Variants in HOOK3 observed in about 807,000 individuals in gnomAD.
The protein encoded by HOOK3 is protein Hook homolog 3.
HOOK3 carries 24 observed loss-of-function variants against 116.3 expected under a neutral mutation model. The ratio of observed to expected loss-of-function variants is 0.21; its 90% CI spans 0.15 to 0.29. The LOEUF (loss-of-function observed/expected upper bound fraction) is 0.29, where lower values mean the gene tolerates loss of function less well. Among genes scored for constraint, HOOK3 ranks in the 10% least tolerant of loss-of-function variants. The pLI is 1.00. For missense variants in HOOK3, 632 were observed against 830.2 expected (o/e 0.76, Z 2.93); for synonymous variants, 275 against 283.0 (o/e 0.97, Z 0.28).
At chr8:42,902,018 C>T (rs1313062205) in intron 1 of HOOK3, among the ~76,000 whole-genome samples, 1 of 151,782 alleles carries the variant, frequency 6.6e-6, no homozygotes, top group Non-Finnish European at 1.5e-5. Context: ...CAGATCAAGT[C>T]TTAACAACTA....
chr8:42,972,649 C>T (rs1808746422), intron 11 of HOOK3, among the ~76,000 whole-genome samples: 1 of 152,234 alleles, frequency 6.6e-6, no homozygotes, highest in Non-Finnish European at 1.5e-5. Context: ...ATCCTCCCAC[C>T]TCAGCTTCCC....
chr8:43,011,100 C>T (rs1238208121), intron 19 of HOOK3, among the ~76,000 whole-genome samples: 1 of 152,048 alleles, frequency 6.6e-6, no homozygotes, highest in Non-Finnish European at 1.5e-5. Flanking sequence ...TCACGCCATT[C>T]TCCTGCCTCA....
intron 13 of HOOK3, among the ~76,000 whole-genome samples, chr8:42,976,455 A>G (rs1395771276): frequency 6.6e-6 from 1 of 152,198 alleles, no homozygotes; most frequent in Non-Finnish European, 1.5e-5. Context: ...GGCTCCAGTG[A>G]GCTGAGGTCG....
chr8:42,948,862 C>A (rs1045160874), intron 5 of HOOK3, among the ~76,000 whole-genome samples: 2 of 152,178 alleles, frequency 1.3e-5, no homozygotes, highest in African/African-American at 4.8e-5. Flanking sequence ...GGCCTAAGAA[C>A]AATGCCTATG....
chr8:42,935,394 C>T (rs1397089383), intron 4 of HOOK3, among the ~76,000 whole-genome samples: 1 of 152,004 alleles, frequency 6.6e-6, no homozygotes, highest in Admixed American at 6.6e-5. Flanking sequence ...CTTTAGTTTT[C>T]TTAGATCTCA....
intron 18 of HOOK3, among the ~76,000 whole-genome samples, chr8:43,008,752 C>A (rs1401340932): frequency 6.8e-6 from 1 of 147,802 alleles, no homozygotes; most frequent in Non-Finnish European, 1.5e-5. Flanking sequence ...CTCCACCTCC[C>A]GGGTTCACGC....
intron 13 of HOOK3, among the ~76,000 whole-genome samples, chr8:42,980,108 G>T (rs879396698): frequency 1.3e-5 from 2 of 151,616 alleles, no homozygotes; most frequent in Non-Finnish European, 2.9e-5. Flanking sequence ...AATTACAGGC[G>T]CCTGCCACCA....
chr8:42,921,789 C>T (rs1315436515), intron 2 of HOOK3, among the ~76,000 whole-genome samples: 2 of 152,096 alleles, frequency 1.3e-5, no homozygotes, highest in African/African-American at 4.8e-5. Context: ...TACCTGCAGC[C>T]ATTTTTAGTG....
Position 43,030,027 on chromosome 8 carries a change from A to T in HOOK3, c.*11529A>T, listed in dbSNP as rs1044515786. ...CAGAATTTCATTCTTTGTCATTATA[A>T]TCCAAAAACAATGTCCACATCAGAC... On this transcript the variant is annotated 3_prime_UTR_variant, in exon 22 of 22. Coordinates refer to ENST00000307602, the MANE Select transcript of HOOK3 (RefSeq NM_032410.4). 2.3e-5 allele frequency: 5 copies of T among 212,932 alleles called. No individual in the cohort carries two copies. Among genetic ancestry groups the T allele is most frequent in the Non-Finnish European group, 4.7e-5 (5 of 105,448 alleles). 13.2% of individuals were successfully genotyped at this position (212,932 alleles called of 1,614,324 possible).
Position 42,909,546 on chromosome 8 carries a change from C to T in HOOK3, c.143+3288C>T, listed in dbSNP as rs1212433771. ...TGGATTGACCAGGGCTCACTGCAGC[C>T]TCAAACTCCCAGGCTCAGATGATCC... On this transcript the variant is annotated intron_variant, in intron 2 of 21. Coordinates refer to ENST00000307602, the MANE Select transcript of HOOK3 (RefSeq NM_032410.4). Among the ~76,000 whole-genome samples the T allele has an allele frequency of 2.0e-5, 3 of 152,220 alleles. No individual in the cohort carries two copies. In the East Asian group the frequency reaches 5.8e-4, roughly 29 times the overall value.
At chr8:42,950,798 G>A (rs1166245362) in intron 6 of HOOK3, among the ~76,000 whole-genome samples, 4 of 151,724 alleles carry the variant, frequency 2.6e-5, no homozygotes, top group African/African-American at 7.3e-5. Flanking sequence ...TGATTCTCCT[G>A]CCTCACTCTC....
At chr8:43,003,607 G>A (rs1048429505) in intron 17 of HOOK3, among the ~76,000 whole-genome samples, 1 of 152,174 alleles carries the variant, frequency 6.6e-6, no homozygotes, top group African/African-American at 2.4e-5. Context: ...TAGCTACCAT[G>A]TCAAATTACC....
chr8:42,969,319 C>A (rs1808686493), intron 11 of HOOK3, among the ~76,000 whole-genome samples: 1 of 152,176 alleles, frequency 6.6e-6, no homozygotes, highest in Non-Finnish European at 1.5e-5. Context: ...CACCAGCACA[C>A]AGTATTGGCA....
chr8:42,904,297 C>T (rs1205528250), intron 1 of HOOK3, among the ~76,000 whole-genome samples: 2 of 149,724 alleles, frequency 1.3e-5, no homozygotes, highest in Non-Finnish European at 3.0e-5. Flanking sequence ...ATACTGCAGC[C>T]GGTATGATCT....
chr8:42,928,408 G>A (rs563028813), intron 3 of HOOK3, among the ~76,000 whole-genome samples: 20 of 151,770 alleles, frequency 1.3e-4, no homozygotes, highest in African/African-American at 2.7e-4. Flanking sequence ...CCGAGATTGC[G>A]CCACTGTACT....
chr8:42,925,060 T>G (rs1213584699), intron 2 of HOOK3, among the ~76,000 whole-genome samples: 1 of 152,118 alleles, frequency 6.6e-6, no homozygotes, highest in South Asian at 2.1e-4. Flanking sequence ...TATGGTAGAT[T>G]CTTGACTGTT....
At position 43,014,289 on chromosome 8, in the gene HOOK3, A is replaced by G. The variant is rs899532815; in HGVS notation, c.2016+889A>G. ...TGACACAGCAAGACTGTCTCAGAAA[A>G]AAAAAAAAAAAAAAAAAAGTTGTCC... On this transcript the variant is annotated intron_variant, in intron 21 of 21. Transcript: ENST00000307602. Among the ~76,000 whole-genome samples the G allele has an allele frequency of 2.7e-5, 4 of 147,746 alleles. No individual in the cohort carries two copies. The East Asian group carries it at 5.8e-4, about 21-fold the overall frequency.
At chr8:42,912,935 A>G (rs756284490) in intron 2 of HOOK3, among the ~76,000 whole-genome samples, 2 of 152,198 alleles carry the variant, frequency 1.3e-5, no homozygotes, top group African/African-American at 2.4e-5. Context: ...GGGAAACCCT[A>G]ATCTTTTTAC....
In HOOK3 at chr8:43,023,508, A is replaced by T. The variant is rs1463707847; in HGVS notation, c.*5010A>T. On this transcript the variant is annotated 3_prime_UTR_variant, in exon 22 of 22. Transcript: ENST00000307602. Reference sequence around the variant, plus strand: ...CCTCCCCTCCCCCAGGCTGGAGTGCAGAGGCACGATCCTGGCTGACTGCAA... The same window carrying T: ...CCTCCCCTCCCCCAGGCTGGAGTGCTGAGGCACGATCCTGGCTGACTGCAA... 5.9e-6 allele frequency: 1 copy of T among 168,094 alleles called. No individual in the cohort carries two copies. The highest frequency in any genetic ancestry group is 2.5e-5 in the African/African-American group (1 of 40,608). 10.4% of individuals were successfully genotyped at this position (168,094 alleles called of 1,614,324 possible).
Sources: gnomAD v4.1 joint callset for allele counts (sites outside exome capture counted in the v4.1 genomes callset) on GRCh38, gnomAD v4.1.1 for gene constraint, MANE v1.5 for transcripts, NCBI Gene and HGNC (gene_info 2026-07-23, HGNC 2026-07-21) for gene names.